The following FXYD1 variants were observed in gnomAD, a reference collection of about 807,000 sequenced individuals.
FXYD1 encodes phospholemman.
FXYD1 carries 9 observed loss-of-function variants against 17.2 expected under a neutral mutation model. The observed-to-expected ratio is 0.52, with a 90% CI of 0.32 to 0.91. The LOEUF is 0.91. Ranked by LOEUF, FXYD1 falls within the 40% of genes least tolerant of loss-of-function variation. The probability of loss-of-function intolerance (pLI) is 0.04; values close to 1 mark genes in which losing one functional copy is unlikely to be tolerated. For missense variants in FXYD1, 113 were observed against 120.6 expected (o/e 0.94, Z 0.29); for synonymous variants, 55 against 45.8 (o/e 1.20, Z -0.81).
At position 35,142,945 on chromosome 19, in the gene FXYD1, G is replaced by C. The variant is rs1329662124; in HGVS notation, c.*58G>C. On this transcript the variant is annotated 3_prime_UTR_variant, in exon 8 of 8. Transcript: ENST00000351325. Reference sequence around the variant, plus strand: ...TCCCCTGGCACCTGACATCTCCCACGCTCCACCTGCGCGCCCACCGCCCCC... The same window carrying C: ...TCCCCTGGCACCTGACATCTCCCACCCTCCACCTGCGCGCCCACCGCCCCC... The C allele has an allele frequency of 2.7e-5, 16 of 595,074 alleles. No homozygotes were observed. The highest frequency in any genetic ancestry group is 4.5e-5 in the Non-Finnish European group (15 of 333,812). The allele number at this position is 595,074 out of a possible 1,614,324, so 36.9% of individuals were successfully genotyped here.
chr19:35,140,331 G>A (rs2065240210), intron 2 of FXYD1, among the ~76,000 whole-genome samples, 191 bp downstream of exon 2: 1 of 152,154 alleles, frequency 6.6e-6, no homozygotes, highest in Admixed American at 6.5e-5. Context: ...ATCAGGCAAA[G>A]ATGGGGTGGG....
In FXYD1 at chr19:35,140,094, C is replaced by G; in HGVS notation, c.15C>G (p.Gly5=). 1 of 1,612,272 alleles carries G rather than the reference C, an allele frequency of 6.2e-7. No homozygotes were observed. The highest frequency in any genetic ancestry group is 8.5e-7 in the Non-Finnish European group (1 of 1,178,342). The stretch of plus-strand genomic sequence containing the variant: ...CCCCCAGGACAATGGCGTCTCTTGG[C>G]CACATCTTGGTTTTCTGTGTGGGTC... MASL[G]HILVFCVGLL... is the part of the protein sequence containing the mutation. The change falls in exon 2 of 8, where the codon GGC becomes GGG. Residue 5 remains glycine, a synonymous_variant. Coordinates refer to ENST00000351325, the MANE Select transcript of FXYD1 (RefSeq NM_021902.4).
rs2065239308 is a variant in FXYD1, at chr19:35,140,240, TGGGGTACCAAGAAGTTTGG to T, written c.61+104_61+122del. On this transcript the variant is annotated intron_variant, in intron 2 of 7. Transcript: ENST00000351325. ...AGACCCCAACCTAGACTAAGTCGGCTGGGGTACCAAGAAGTTTGGGGGTCTCCACGTGGGGTCCAGTCAC... is the reference window on the plus strand; with the variant it reads ...AGACCCCAACCTAGACTAAGTCGGCTGGGTCTCCACGTGGGGTCCAGTCAC... 3.5e-5 allele frequency: 27 copies of T among 767,938 alleles called. No individual in the cohort carries two copies. The South Asian group carries it at 3.8e-4, about 11-fold the overall frequency. The allele number at this position is 767,938 out of a possible 1,614,324, so 47.6% of individuals were successfully genotyped here. A position where few individuals can be genotyped will look rare whatever the true frequency, so the allele number is the denominator to read the frequency against.
upstream of FXYD1, among the ~76,000 whole-genome samples, chr19:35,137,402 C>T (rs993266270): frequency 3.9e-5 from 6 of 152,308 alleles, no homozygotes; most frequent in South Asian, 1.2e-3. Flanking sequence ...CATCTGTCAC[C>T]GTGGCCAACC....
At chr19:35,142,008 C>G (rs2065261198) in intron 5 of FXYD1, among the ~76,000 whole-genome samples, 1 of 152,212 alleles carries the variant, frequency 6.6e-6, no homozygotes, top group Non-Finnish European at 1.5e-5. Flanking sequence ...TAAGTAGTAG[C>G]TAATATTTAC....
chr19:35,137,368 A>G (rs2145375324), upstream of FXYD1, among the ~76,000 whole-genome samples: 1 of 152,358 alleles, frequency 6.6e-6, no homozygotes, highest in South Asian at 2.1e-4. Context: ...GGAATGTGTG[A>G]ACATGCAAGT....
intron 2 of FXYD1, among the ~76,000 whole-genome samples, 182 bp from the exon 3 acceptor site, chr19:35,140,415 G>A (rs1428885072): frequency 1.3e-5 from 2 of 152,106 alleles, no homozygotes; most frequent in East Asian, 3.9e-4. Flanking sequence ...GGGCAGTTAG[G>A]TGCCACCTGC....
chr19:35,138,744 G>T (rs1600482182), upstream of FXYD1: 1 of 147,824 alleles, frequency 6.8e-6, no homozygotes, highest in Admixed American at 6.7e-5. Context: ...TCAGCTGCTG[G>T]TTGGGGAGGG....
intron 5 of FXYD1, 119 bp downstream of exon 5, chr19:35,141,691 C>A: frequency 2.5e-6 from 2 of 784,698 alleles, no homozygotes; most frequent in Non-Finnish European, 4.1e-6. Flanking sequence ...TATTAAGCAC[C>A]TACTATGTGC....
chr19:35,142,619 C>T, intron 6 of FXYD1, 98 bp downstream of exon 6: 1 of 1,544,216 alleles, frequency 6.5e-7, no homozygotes, highest in Non-Finnish European at 8.9e-7. Flanking sequence ...AGGGCTGGAT[C>T]TGAAAGCGGA....
chr19:35,137,403 G>A (rs1369416439), upstream of FXYD1, among the ~76,000 whole-genome samples: 2 of 152,212 alleles, frequency 1.3e-5, no homozygotes, highest in Admixed American at 1.3e-4. Context: ...ATCTGTCACC[G>A]TGGCCAACCA....
chr19:35,141,349 G>GC, intron 4 of FXYD1, 143 bp downstream of exon 4: 1 of 167,100 alleles, frequency 6.0e-6, no homozygotes, highest in Non-Finnish European at 1.1e-5. Flanking sequence ...CCCTGGCCCC[G>GC]CCCCGCCCCA....
intron 1 of FXYD1, chr19:35,139,452 G>C (rs759296187): frequency 1.3e-5 from 2 of 152,380 alleles, no homozygotes; most frequent in Non-Finnish European, 2.9e-5. Context: ...GGGAGGAGAC[G>C]GGGTGACCTT....
At chr19:35,139,623 C>CGCGA (rs2065231600) in intron 1 of FXYD1, 1 of 166,416 alleles carries the variant, frequency 6.0e-6, no homozygotes, top group East Asian at 1.8e-4. Flanking sequence ...GGGGTCAGGC[C>CGCGA]GCGAGCGGGC....
chr19:35,140,007 T>A, intron 1 of FXYD1, 69 bp from the exon 2 acceptor site: 1 of 1,327,574 alleles, frequency 7.5e-7, no homozygotes, highest in South Asian at 1.2e-5. Flanking sequence ...TCTGACTTAA[T>A]CCCTTGGGTT....
In FXYD1 at chr19:35,140,695, C is replaced by G. The variant is rs1467782157; in HGVS notation, c.94+66C>G. The G allele has an allele frequency of 2.2e-6, 3 of 1,347,880 alleles. No homozygotes were observed. The Admixed American group carries it at 5.1e-5, about 23-fold the overall frequency. 83.5% of individuals were successfully genotyped at this position (1,347,880 alleles called of 1,614,324 possible). On this transcript the variant is annotated intron_variant, in intron 3 of 7. Coordinates refer to ENST00000351325, the MANE Select transcript of FXYD1 (RefSeq NM_021902.4). ...GGCTTTGCTGGTCCTTTGATTCCCC[C>G]TCGCCCTCCCCCAGAGTCCCAGTAT...
In FXYD1 at chr19:35,141,508, A is replaced by G. The variant is rs1339289287; in HGVS notation, c.170-28A>G. On this transcript the variant is annotated intron_variant, in intron 4 of 7. Coordinates refer to ENST00000351325, the MANE Select transcript of FXYD1 (RefSeq NM_021902.4). ...TTGGCGCCCGCCGGGAGGGAGCCTC[A>G]GCTTCTCCTACCTCTCCACGCCCAC... 8 of 1,598,880 alleles carry G rather than the reference A, an allele frequency of 5.0e-6. No homozygotes were observed. In the South Asian group the frequency reaches 8.9e-5, roughly 18 times the overall value.
Position 35,141,175 on chromosome 19 carries a change from C to G in FXYD1, c.138C>G (p.Ile46Met). The G allele has an allele frequency of 6.2e-7, 1 of 1,610,396 alleles. No individual in the cohort carries two copies. Among genetic ancestry groups the G allele is most frequent in the Non-Finnish European group, 8.5e-7 (1 of 1,177,278 alleles). The change falls in exon 4 of 8, where the codon ATC becomes ATG. Residue 46 changes from isoleucine (I) to methionine (M), a missense_variant. Coordinates refer to ENST00000351325, the MANE Select transcript of FXYD1 (RefSeq NM_021902.4). ...TCGGAGGCCTCGTCATCGCCGGGAT[C>G]CTCTTCATCCTGGGCATCCTCATCG... ...LQIGGLVIAGILFILGILIVL... is the reference protein window; with the variant it reads ...LQIGGLVIAGMLFILGILIVL...
upstream of FXYD1, chr19:35,138,009 T>G (rs528870834): frequency 7.2e-5 from 11 of 152,362 alleles, no homozygotes; most frequent in African/African-American, 2.6e-4. Context: ...CATTTGTGGG[T>G]GGGTCTTCAC....
Sources: gnomAD v4.1 joint callset for allele counts (sites outside exome capture counted in the v4.1 genomes callset) on GRCh38, gnomAD v4.1.1 for gene constraint, MANE v1.5 for transcripts, NCBI Gene and HGNC (gene_info 2026-07-23, HGNC 2026-07-21) for gene names.